The following FSTL5 variants were observed in gnomAD, a reference collection of about 807,000 sequenced individuals.
FSTL5 encodes the protein follistatin like 5, also known as follistatin-related protein 5.
A neutral mutation model predicts 89.1 loss-of-function variants in FSTL5; 62 were observed. That is an observed-to-expected ratio of 0.70 (90% CI 0.57 to 0.86). The LOEUF (loss-of-function observed/expected upper bound fraction) is 0.86, where lower values mean the gene tolerates loss of function less well. FSTL5 is among the 40% of genes least tolerant of loss of function. The probability of loss-of-function intolerance (pLI) is 0.00; values close to 1 mark genes in which losing one functional copy is unlikely to be tolerated. For missense variants in FSTL5, 1,057 were observed against 1,001.6 expected (o/e 1.06, Z -0.75); for synonymous variants, 383 against 346.2 (o/e 1.11, Z -1.18).
At chr4:161,885,133 T>C (rs183555677) in intron 4 of FSTL5, among the ~76,000 whole-genome samples, 47 of 152,262 alleles carry the variant, frequency 3.1e-4, no homozygotes, top group Non-Finnish European at 4.9e-4. Context: ...AAAAACAACA[T>C]ATTTAAATAC....
intron 4 of FSTL5, among the ~76,000 whole-genome samples, chr4:161,867,947 T>C (rs77854707): frequency 0.039 from 5,934 of 152,120 alleles, 187 homozygotes; most frequent in East Asian, 0.15. Context: ...CATTCAGTTA[T>C]GTCTGTTTAT....
rs1423639266 is a variant in FSTL5, at chr4:162,120,789, G to A, written c.-16-9377C>T. On this transcript the variant is annotated intron_variant, in intron 1 of 15. Coordinates refer to ENST00000306100, the MANE Select transcript of FSTL5 (RefSeq NM_020116.5). ...ACCTGACTATAACCTCTTCACTATG[G>A]AAAGAAAAAACACACATGTACAAGT... is the stretch of plus-strand genomic sequence containing the variant. Among the ~76,000 whole-genome samples the A allele has an allele frequency of 2.0e-5, 3 of 151,904 alleles. No homozygotes were observed. The East Asian group carries it at 5.8e-4, about 29-fold the overall frequency.
intron 13 of FSTL5, among the ~76,000 whole-genome samples, chr4:161,460,349 A>G (rs376958273): frequency 3.3e-5 from 3 of 91,256 alleles, no homozygotes; most frequent in Admixed American, 1.5e-4. Context: ...TTAACTTGTC[A>G]TTTACATTAG....
intron 3 of FSTL5, among the ~76,000 whole-genome samples, chr4:161,961,718 A>G (rs1735183903): frequency 6.6e-6 from 1 of 151,768 alleles, no homozygotes; most frequent in Non-Finnish European, 1.5e-5. Flanking sequence ...AACAATATCA[A>G]TTTCTCCGAA....
chr4:161,527,468 T>C (rs1731264550), intron 10 of FSTL5, among the ~76,000 whole-genome samples: 1 of 151,688 alleles, frequency 6.6e-6, no homozygotes, highest in Non-Finnish European at 1.5e-5. Context: ...AACAACCCCT[T>C]CAAAAAGTGG....
intron 3 of FSTL5, among the ~76,000 whole-genome samples, chr4:162,006,776 C>T (rs913685608): frequency 4.6e-5 from 7 of 151,814 alleles, no homozygotes; most frequent in African/African-American, 1.7e-4. Flanking sequence ...TATTCAACAT[C>T]ACGAAGAAAA....
At chr4:161,982,154 C>G (rs964461626) in intron 3 of FSTL5, among the ~76,000 whole-genome samples, 7 of 152,132 alleles carry the variant, frequency 4.6e-5, no homozygotes, top group African/African-American at 1.7e-4. Context: ...TGACCCATGG[C>G]TTCATAAATA....
intron 6 of FSTL5, among the ~76,000 whole-genome samples, chr4:161,689,607 T>G (rs1197543925): frequency 6.6e-6 from 1 of 152,136 alleles, no homozygotes; most frequent in African/African-American, 2.4e-5. Context: ...CAGTATAGTT[T>G]TATTTTACAG....
rs1277682257 is a variant in FSTL5 at position 161,452,626 on chromosome 4, ACTTCTCGC to A, written c.1841+2370_1841+2377del. On this transcript the variant is annotated intron_variant, in intron 15 of 15. Coordinates refer to ENST00000306100, the MANE Select transcript of FSTL5 (RefSeq NM_020116.5). ...TTTTTGGAAACGCATGTTAATTTTT[ACTTCTCGC>A]ATTCACGGTAGTAAAATGAGTAATT... Among the ~76,000 whole-genome samples the A allele has an allele frequency of 8.4e-3, 1,276 of 152,298 alleles. 16 individuals are homozygous for A. The highest frequency in any genetic ancestry group is 0.03 in the African/African-American group (1,232 of 41,552).
chr4:161,736,466 T>A (rs891120144), intron 6 of FSTL5, among the ~76,000 whole-genome samples: 3 of 152,184 alleles, frequency 2.0e-5, no homozygotes, highest in Non-Finnish European at 4.4e-5. Flanking sequence ...TAATATATTT[T>A]GCACTAAATA....
chr4:161,829,473 T>C (rs988069408), intron 4 of FSTL5, among the ~76,000 whole-genome samples: 4 of 152,010 alleles, frequency 2.6e-5, no homozygotes, highest in African/African-American at 9.6e-5. Flanking sequence ...TATCATATTA[T>C]AATTAATGTA....
intron 4 of FSTL5, among the ~76,000 whole-genome samples, chr4:161,876,942 TGGGA>T (rs1316785497): frequency 1.3e-5 from 2 of 152,060 alleles, no homozygotes; most frequent in African/African-American, 4.8e-5. Flanking sequence ...CCCAGCACTT[TGGGA>T]GGCCGAGACA....
At chr4:161,885,025 T>C (rs1465110648) in intron 4 of FSTL5, among the ~76,000 whole-genome samples, 1 of 152,028 alleles carries the variant, frequency 6.6e-6, no homozygotes, top group African/African-American at 2.4e-5. Flanking sequence ...AGGGAGACAT[T>C]TCTTGGTGGA....
At chr4:161,953,120 C>T (rs767098605) in intron 3 of FSTL5, among the ~76,000 whole-genome samples, 4 of 151,602 alleles carry the variant, frequency 2.6e-5, no homozygotes, top group Non-Finnish European at 5.9e-5. Flanking sequence ...CTCCCCTTAG[C>T]AGTTATCTCA....
chr4:162,117,701 T>C (rs1297610320), intron 1 of FSTL5, among the ~76,000 whole-genome samples: 1 of 152,242 alleles, frequency 6.6e-6, no homozygotes, highest in Admixed American at 6.5e-5. Flanking sequence ...CCTCATCATC[T>C]GAATTGCTAC....
rs9994757 is a variant in FSTL5, at chr4:162,148,139, T to C, written c.-17+15476A>G. ...GAATCTGGCAGATTACTATTCAATA[T>C]TTAGTGAAATTTGATATCTCCAACT... On this transcript the variant is annotated intron_variant, in intron 1 of 15. Transcript: ENST00000306100. Among the ~76,000 whole-genome samples, 1,100 of 152,334 alleles carry C rather than the reference T, an allele frequency of 7.2e-3. 9 individuals are homozygous for C. The highest frequency in any genetic ancestry group is 0.024 in the African/African-American group (990 of 41,584).
In FSTL5 at chr4:161,849,528, TACACACAC is replaced by T. The variant is rs35353090; in HGVS notation, c.409+70868_409+70875del. ...AAATGTTTCATCATTGCCCTCGACC[TACACACAC>T]ACACACACACACACACACACACACA... is the stretch of plus-strand genomic sequence containing the variant. On this transcript the variant is annotated intron_variant, in intron 4 of 15. Transcript: ENST00000306100. Among the ~76,000 whole-genome samples, 400 of 147,394 alleles carry T rather than the reference TACACACAC, an allele frequency of 2.7e-3. 2 individuals carry two copies. Among genetic ancestry groups the T allele is most frequent in the African/African-American group, 8.7e-3 (348 of 40,202 alleles).
chr4:161,974,165 T>A (rs1307030396), intron 3 of FSTL5, among the ~76,000 whole-genome samples: 13 of 152,200 alleles, frequency 8.5e-5, no homozygotes. Context: ...ATCAATATCG[T>A]GAAAATGGCC....
At chr4:162,056,464 A>C (rs1738545536) in intron 2 of FSTL5, among the ~76,000 whole-genome samples, 1 of 152,136 alleles carries the variant, frequency 6.6e-6, no homozygotes, top group African/African-American at 2.4e-5. Flanking sequence ...GAAAAAATGT[A>C]TAAGAATGTT....
Sources: allele counts gnomAD v4.1 joint callset (sites outside exome capture counted in the v4.1 genomes callset), GRCh38; gene constraint gnomAD v4.1.1; transcripts MANE v1.5; gene names NCBI Gene and HGNC (gene_info 2026-07-23, HGNC 2026-07-21).